The following TPM4 variants were observed in gnomAD, a reference collection of about 807,000 sequenced individuals.
The protein encoded by TPM4 is tropomyosin alpha-4 chain.
TPM4 carries 17 observed loss-of-function variants against 35.8 expected under a neutral mutation model. The observed-to-expected ratio is 0.47, with a 90% CI of 0.32 to 0.71. TPM4 has a LOEUF of 0.71. Among genes scored for constraint, TPM4 ranks in the 30% least tolerant of loss-of-function variants. The pLI, the probability that TPM4 is intolerant of heterozygous loss-of-function variation, is 0.03. For missense variants in TPM4, 240 were observed against 320.9 expected (o/e 0.75, Z 1.93); for synonymous variants, 120 against 122.9 (o/e 0.98, Z 0.15).
chr19:16,088,156 G>A, intron 4 of TPM4, 59 bp downstream of exon 4: 1 of 1,570,028 alleles, frequency 6.4e-7, no homozygotes. Flanking sequence ...GAGTGGGAAG[G>A]AGCTGGCTGT....
rs2090774859 is a variant in TPM4, at chr19:16,102,732, G to A, written c.*1386G>A. Reference sequence around the variant, plus strand: ...CTCTTTTCTCAGTTAACATCTCAGAGCTAGAACATTCCACATTCCCCAGCA... The same window carrying A: ...CTCTTTTCTCAGTTAACATCTCAGAACTAGAACATTCCACATTCCCCAGCA... On this transcript the variant is annotated 3_prime_UTR_variant, in exon 8 of 8. Coordinates refer to ENST00000643579, the MANE Select transcript of TPM4 (RefSeq NM_003290.3). 1 of 230,200 alleles carries A rather than the reference G, an allele frequency of 4.3e-6. No homozygotes were observed. Among genetic ancestry groups the A allele is most frequent in the African/African-American group, 2.2e-5 (1 of 45,182 alleles). The allele number at this position is 230,200 out of a possible 1,614,324, so 14.3% of individuals were successfully genotyped here.
chr19:16,067,679 A>G lies in TPM4; in HGVS notation c.55A>G (p.Ile19Val). 6.2e-6 allele frequency: 10 copies of G among 1,613,722 alleles called. No homozygotes were observed. The highest frequency in any genetic ancestry group is 8.5e-6 in the Non-Finnish European group (10 of 1,179,866). The stretch of plus-strand genomic sequence containing the variant: ...GCTGAAGTTGGACAAGGAGAATGCC[A>G]TCGACCGCGCGGAGCAGGCGGAGGC... Residue 19 changes from isoleucine to valine, a missense_variant, in exon 2 of 3, where the codon ATC becomes GTC. By Grantham distance (29) the Ile-to-Val change is conservative. Transcript: ENST00000589897. The surrounding 1 kb of genome is among the most constrained non-coding windows in gnomAD (Gnocchi z 4.1).
intron 1 of TPM4, chr19:16,079,681 A>C (rs1320751166): frequency 9.9e-6 from 2 of 202,454 alleles, no homozygotes; most frequent in Admixed American, 6.0e-5. Flanking sequence ...AACTCAGGGC[A>C]GGAGAGGGAG....
intron 2 of TPM4, among the ~76,000 whole-genome samples, chr19:16,069,742 TGGGG>T (rs374621814): frequency 2.8e-5 from 4 of 145,094 alleles, no homozygotes; most frequent in African/African-American, 7.7e-5. Flanking sequence ...GTGTTTCTAT[TGGGG>T]GGTGTGTGCA....
upstream of TPM4, among the ~76,000 whole-genome samples, chr19:16,073,960 A>AAAACAAC (rs1568298129): frequency 9.4e-6 from 1 of 105,924 alleles, no homozygotes; most frequent in African/African-American, 3.6e-5. Flanking sequence ...AAAAAAAAAA[A>AAAACAAC]CGCAAAAAAA....
chr19:16,089,959 A>G (rs888058932), intron 5 of TPM4, among the ~76,000 whole-genome samples: 13 of 151,890 alleles, frequency 8.6e-5, no homozygotes, highest in African/African-American at 3.1e-4. Context: ...CCCAAGTTCA[A>G]GCAATTCTCC....
In TPM4 at chr19:16,076,937, C is replaced by T. The variant is rs1237106761; in HGVS notation, c.132+240C>T. ...GCGCCGCCTCCGGGTCGGGCGGGGC[C>T]GGCCAAGCGGGAAATGGGGGGATGG... On this transcript the variant is annotated intron_variant, in intron 1 of 7. Transcript: ENST00000643579. 8.3e-6 allele frequency: 7 copies of T among 847,100 alleles called. No individual in the cohort carries two copies. The East Asian group carries it at 2.4e-4, about 29-fold the overall frequency. The allele number at this position is 847,100 out of a possible 1,614,324, so 52.5% of individuals were successfully genotyped here. A position where few individuals can be genotyped will look rare whatever the true frequency, so the allele number is the denominator to read the frequency against.
rs545135905 is a variant in TPM4 at position 16,090,984 on chromosome 19, T to C, written c.531+1864T>C. 8.3e-4 allele frequency among the ~76,000 whole-genome samples: 126 copies of C among 152,156 alleles called. 1 individual carries two copies. The highest frequency in any genetic ancestry group is 2.9e-3 in the African/African-American group (120 of 41,520). ...AGGATGTGTAAGGAATGAATCCAGT[T>C]GGTGTGTGTATGCCAGACACTGCCC... On this transcript the variant is annotated intron_variant, in intron 5 of 7. Transcript: ENST00000643579.
chr19:16,089,260 T>A (rs2090596970), intron 5 of TPM4, 140 bp downstream of exon 5: 1 of 1,099,678 alleles, frequency 9.1e-7, no homozygotes, highest in Admixed American at 2.4e-5. Flanking sequence ...CCAGGGTTTT[T>A]CCCCTACAGA....
chr19:16,069,495 G>A (rs1352307784), intron 2 of TPM4, among the ~76,000 whole-genome samples: 5 of 580 alleles, frequency 8.6e-3, no homozygotes, highest in Non-Finnish European at 0.017. Context: ...GTTTCTGATG[G>A]GGTGTGTGTA....
At chr19:16,069,421 G>C (rs1292830010) in intron 2 of TPM4, among the ~76,000 whole-genome samples, 2 of 148,950 alleles carry the variant, frequency 1.3e-5, no homozygotes, top group African/African-American at 5.2e-5. Context: ...GTTTCTGTTG[G>C]TGTGTATGTG....
intron 1 of TPM4, chr19:16,080,533 G>T (rs537354348): frequency 1.6e-5 from 3 of 190,448 alleles, no homozygotes; most frequent in Non-Finnish European, 3.3e-5. Context: ...AAGCACGGTC[G>T]GGCGCAGTGG....
At position 16,090,824 on chromosome 19, in the gene TPM4, A is replaced by ATT. The variant is rs1017045831; in HGVS notation, c.531+1725_531+1726dup. 6.4e-4 allele frequency among the ~76,000 whole-genome samples: 79 copies of ATT among 123,360 alleles called. 1 individual carries two copies. The highest frequency in any genetic ancestry group is 5.0e-4 in the South Asian group (2 of 3,972). 80.9% of individuals were successfully genotyped at this position (123,360 alleles called of 152,430 possible). A position where few individuals can be genotyped will look rare whatever the true frequency, so the allele number is the denominator to read the frequency against. On this transcript the variant is annotated intron_variant, in intron 5 of 7. Coordinates refer to ENST00000643579, the MANE Select transcript of TPM4 (RefSeq NM_003290.3). Reference sequence around the variant, plus strand: ...CATATATCTGTAGTGTGTGTGTGTAATTTTTTTTTTTTTTTTTTTTTTAGT... The same window carrying ATT: ...CATATATCTGTAGTGTGTGTGTGTAATTTTTTTTTTTTTTTTTTTTTTTTAGT...
chr19:16,082,547 C>T (rs996294850), intron 2 of TPM4, among the ~76,000 whole-genome samples: 1 of 152,096 alleles, frequency 6.6e-6, no homozygotes, highest in Non-Finnish European at 1.5e-5. Context: ...TTACGGTAAC[C>T]ATGAAAAGAA....
At chr19:16,083,332 T>C (rs913433372) in intron 2 of TPM4, among the ~76,000 whole-genome samples, 1 of 152,046 alleles carries the variant, frequency 6.6e-6, no homozygotes, top group Non-Finnish European at 1.5e-5. Context: ...TAATCCCACC[T>C]ACTCAGGAGG....
At chr19:16,076,204 G>T, upstream of TPM4, 1 of 1,551,870 alleles carries the variant, frequency 6.4e-7, no homozygotes, top group South Asian at 1.2e-5. Context: ...AGCCCGCGGC[G>T]GGGCCAGGCC....
At chr19:16,074,096 C>T (rs1327675568), upstream of TPM4, among the ~76,000 whole-genome samples, 1 of 150,698 alleles carries the variant, frequency 6.6e-6, no homozygotes, top group Non-Finnish European at 1.5e-5. Flanking sequence ...GGGGTGAGCA[C>T]GTAGCCCAGA....
intron 7 of TPM4, among the ~76,000 whole-genome samples, chr19:16,094,304 C>T (rs1045517016): frequency 4.6e-5 from 7 of 152,066 alleles, no homozygotes; most frequent in African/African-American, 1.4e-4. Flanking sequence ...GAGGCCGAGG[C>T]GGGCGGATCA....
intron 1 of TPM4, chr19:16,076,953 G>C: frequency 1.5e-6 from 1 of 646,778 alleles, no homozygotes; most frequent in Non-Finnish European, 2.1e-6. Context: ...AGCGGGAAAT[G>C]GGGGGATGGG....
Sources: gnomAD v4.1 joint callset for allele counts (sites outside exome capture counted in the v4.1 genomes callset) on GRCh38, gnomAD v4.1.1 for gene constraint, Gnocchi (gnomAD v3.1) non-coding constraint, MANE v1.5 for transcripts, NCBI Gene and HGNC (gene_info 2026-07-23, HGNC 2026-07-21) for gene names.